Variants in BICC1 observed in about 807,000 individuals in gnomAD.
The protein encoded by BICC1 is BicC family RNA binding protein 1.
BICC1 carries 43 observed loss-of-function variants against 111.0 expected under a neutral mutation model. That is an observed-to-expected ratio of 0.39 (90% CI 0.30 to 0.50). The LOEUF (loss-of-function observed/expected upper bound fraction) is 0.50, where lower values mean the gene tolerates loss of function less well. Ranked by LOEUF, BICC1 falls within the 20% of genes least tolerant of loss-of-function variation. The pLI is 0.88. For synonymous variants in BICC1, 467 were observed against 434.4 expected, an observed-to-expected ratio of 1.07 and a Z score of -0.93; for missense variants, 1,091 against 1,203.2, an observed-to-expected ratio of 0.91 and a Z score of 1.38.
intron 3 of BICC1, among the ~76,000 whole-genome samples, chr10:58,768,121 A>G (rs546354532): frequency 4.6e-5 from 7 of 152,326 alleles, no homozygotes; most frequent in African/African-American, 1.4e-4. Context: ...AGGTTCAACC[A>G]AAATAAAACT....
At chr10:58,591,180 A>G (rs776358640) in intron 1 of BICC1, among the ~76,000 whole-genome samples, 1 of 152,216 alleles carries the variant, frequency 6.6e-6, no homozygotes, top group Admixed American at 6.5e-5. Context: ...AGTCATAAGA[A>G]GATAAGCAGT....
chr10:58,618,903 T>C (rs765353142), intron 1 of BICC1, among the ~76,000 whole-genome samples: 35 of 152,170 alleles, frequency 2.3e-4, no homozygotes, highest in Admixed American at 1.4e-3. Flanking sequence ...GATAATTTCT[T>C]TGACTTTTCC....
intron 1 of BICC1, among the ~76,000 whole-genome samples, chr10:58,591,786 G>A (rs1742919662): frequency 6.6e-6 from 1 of 152,214 alleles, no homozygotes; most frequent in African/African-American, 2.4e-5. Context: ...GGTATGTGCT[G>A]CAAGCACTCA....
chr10:58,745,072 T>C (rs1589093117), intron 3 of BICC1, among the ~76,000 whole-genome samples: 1 of 152,214 alleles, frequency 6.6e-6, no homozygotes, highest in South Asian at 2.1e-4. Context: ...TTAAATGTTA[T>C]AGTAAATAAC....
At chr10:58,541,280 A>C (rs769473927) in intron 1 of BICC1, among the ~76,000 whole-genome samples, 5 of 152,144 alleles carry the variant, frequency 3.3e-5, no homozygotes, top group Non-Finnish European at 7.4e-5. Context: ...AGGTGACATG[A>C]TCTTGTACGT....
intron 2 of BICC1, among the ~76,000 whole-genome samples, chr10:58,630,103 C>T (rs892912446): frequency 1.3e-5 from 2 of 152,138 alleles, no homozygotes; most frequent in Non-Finnish European, 2.9e-5. Context: ...ATACAGTGTA[C>T]GTGACCTATG....
chr10:58,603,986 G>A (rs910976408), intron 1 of BICC1, among the ~76,000 whole-genome samples: 7 of 152,140 alleles, frequency 4.6e-5, no homozygotes, highest in Admixed American at 3.9e-4. Flanking sequence ...AATAAGTTCA[G>A]ATCTATATTT....
At chr10:58,723,700 T>G (rs1841010591) in intron 3 of BICC1, among the ~76,000 whole-genome samples, 1 of 152,140 alleles carries the variant, frequency 6.6e-6, no homozygotes, top group South Asian at 2.1e-4. Flanking sequence ...GAAAACTTAT[T>G]ATGTGTTCTC....
chr10:58,780,743 A>G (rs965111534), intron 3 of BICC1, among the ~76,000 whole-genome samples: 2 of 152,194 alleles, frequency 1.3e-5, no homozygotes, highest in Admixed American at 1.3e-4. Flanking sequence ...ACCAAGAGAT[A>G]ATCTTTTAAA....
At position 58,768,541 on chromosome 10, in the gene BICC1, T is replaced by C. The variant is rs145417806; in HGVS notation, c.308-16460T>C. ...TTACTCCCTGGTAAAAATAAATATG[T>C]AGGCAAATTCAGAATACTCCAATAT... On this transcript the variant is annotated intron_variant, in intron 3 of 20. Coordinates refer to ENST00000373886, the MANE Select transcript of BICC1 (RefSeq NM_001080512.3). 4.5e-3 allele frequency among the ~76,000 whole-genome samples: 692 copies of C among 152,306 alleles called. 2 individuals carry two copies. Among genetic ancestry groups the C allele is most frequent in the Middle Eastern group, 0.02 (6 of 294 alleles).
chr10:58,551,369 TA>T (rs1276516285), intron 1 of BICC1, among the ~76,000 whole-genome samples: 1 of 152,194 alleles, frequency 6.6e-6, no homozygotes, highest in Admixed American at 6.5e-5. Flanking sequence ...TAAATTGACA[TA>T]AAAATTTAAT....
At chr10:58,784,905 T>C (rs890162962) in intron 3 of BICC1, 96 bp from the exon 4 acceptor site, 3 of 509,358 alleles carry the variant, frequency 5.9e-6, no homozygotes, top group Non-Finnish European at 1.0e-5. Context: ...TTATGGAACC[T>C]CTTATGTTCT....
At chr10:58,519,390 G>A (rs1000548977) in intron 1 of BICC1, among the ~76,000 whole-genome samples, 15 of 152,152 alleles carry the variant, frequency 9.9e-5, no homozygotes, top group Middle Eastern at 3.2e-3. Flanking sequence ...CTCACTAGTG[G>A]AAGTAGGCAA....
At chr10:58,654,361 A>C (rs1159913008) in intron 2 of BICC1, among the ~76,000 whole-genome samples, 1 of 63,090 alleles carries the variant, frequency 1.6e-5, no homozygotes, top group Non-Finnish European at 3.3e-5. Context: ...CTGACTTTTT[A>C]ATGATTGCCA....
chr10:58,530,101 A>G (rs1240629621), intron 1 of BICC1, among the ~76,000 whole-genome samples: 1 of 151,836 alleles, frequency 6.6e-6, no homozygotes, highest in Non-Finnish European at 1.5e-5. Flanking sequence ...AAAGGAATAT[A>G]ATCTAGTGGA....
chr10:58,621,016 A>G (rs745609162), intron 2 of BICC1, 115 bp downstream of exon 2: 4 of 805,720 alleles, frequency 5.0e-6, no homozygotes, highest in Admixed American at 2.6e-5. Context: ...ACAGGTTTCT[A>G]TACGGGAGCT....
chr10:58,512,854 G>C (rs1664041587), upstream of BICC1, among the ~76,000 whole-genome samples: 1 of 148,560 alleles, frequency 6.7e-6, no homozygotes, highest in South Asian at 2.1e-4. Context: ...ATGGAGGCGC[G>C]GGCAGCGCGG....
At chr10:58,677,408 A>G (rs1839378858) in intron 2 of BICC1, among the ~76,000 whole-genome samples, 1 of 152,248 alleles carries the variant, frequency 6.6e-6, no homozygotes, top group Non-Finnish European at 1.5e-5. Flanking sequence ...CGAAGCATAT[A>G]CAAGTATCAA....
At chr10:58,714,879 A>G (rs1423567365) in intron 3 of BICC1, among the ~76,000 whole-genome samples, 1 of 152,126 alleles carries the variant, frequency 6.6e-6, no homozygotes, top group Non-Finnish European at 1.5e-5. Context: ...GCTAAAAAAA[A>G]AAAAAAAAAG....
Sources: allele counts gnomAD v4.1 joint callset (sites outside exome capture counted in the v4.1 genomes callset), GRCh38; gene constraint gnomAD v4.1.1; transcripts MANE v1.5; gene names NCBI Gene and HGNC (gene_info 2026-07-23, HGNC 2026-07-21).